Variants in RANBP2 observed in about 807,000 individuals in gnomAD.
The protein encoded by RANBP2 is RAN binding protein 2.
Under a neutral mutation model 303.6 loss-of-function variants are expected in RANBP2, and 57 were observed. That is an observed-to-expected ratio of 0.19 (90% confidence interval 0.15 to 0.23). The LOEUF (loss-of-function observed/expected upper bound fraction) is 0.23. Among genes scored for constraint, RANBP2 ranks in the 10% least tolerant of loss-of-function variants. The pLI is 1.00. For missense variants in RANBP2, 3,138 were observed against 3,780.8 expected (o/e 0.83, Z 4.46); for synonymous variants, 1,167 against 1,301.5 (o/e 0.90, Z 2.23).
chr2:109,142,824 G>A, the RANBP2 span, among the ~76,000 whole-genome samples: 26 of 152,300 alleles, frequency 1.7e-4, no homozygotes, highest in African/African-American at 4.8e-4. Flanking sequence ...GGGAAAGGTG[G>A]CTGTCATTGT....
At chr2:108,945,623 G>C in the RANBP2 span, among the ~76,000 whole-genome samples, 1 of 152,276 alleles carries the variant, frequency 6.6e-6, no homozygotes, top group Non-Finnish European at 1.5e-5. Flanking sequence ...TAAAAATGCA[G>C]CTAACTTTCT....
At chr2:109,616,760 T>C in the RANBP2 span, 1 of 167,240 alleles carries the variant, frequency 6.0e-6, no homozygotes, top group South Asian at 2.1e-4. Flanking sequence ...TTTCCACCTA[T>C]CTCTAACACC....
the RANBP2 span, among the ~76,000 whole-genome samples, chr2:109,463,641 C>T: frequency 1.3e-5 from 2 of 152,172 alleles, no homozygotes; most frequent in Non-Finnish European, 2.9e-5. Flanking sequence ...GGGGAAGAAG[C>T]CATCAGACCC....
At chr2:108,721,766 A>G (rs1014298391) in intron 1 of RANBP2, among the ~76,000 whole-genome samples, 1 of 151,912 alleles carries the variant, frequency 6.6e-6, no homozygotes, top group African/African-American at 2.4e-5. Context: ...TTTTGAGACA[A>G]GGTCTCTTTC....
chr2:108,979,394 C>T, the RANBP2 span, among the ~76,000 whole-genome samples: 4 of 152,184 alleles, frequency 2.6e-5, no homozygotes, highest in African/African-American at 9.6e-5. Flanking sequence ...CCAGCCTGGT[C>T]CAAGCCCCAT....
chr2:109,456,256 C>T, the RANBP2 span, among the ~76,000 whole-genome samples: 13 of 152,230 alleles, frequency 8.5e-5, no homozygotes, highest in Admixed American at 7.2e-4. Context: ...GAGTCAGCCC[C>T]GTGTGGCTGG....
chr2:109,327,166 T>C, the RANBP2 span, among the ~76,000 whole-genome samples: 1 of 152,206 alleles, frequency 6.6e-6, no homozygotes, highest in South Asian at 2.1e-4. Flanking sequence ...CTTTTAAAAG[T>C]TTTATAGTTT....
chr2:109,020,577 G>A, the RANBP2 span, among the ~76,000 whole-genome samples: 5 of 152,174 alleles, frequency 3.3e-5, no homozygotes, highest in Non-Finnish European at 7.3e-5. Flanking sequence ...CAACTTTATT[G>A]GATCCAGATG....
chr2:108,931,714 G>T, the RANBP2 span, among the ~76,000 whole-genome samples: 1 of 151,682 alleles, frequency 6.6e-6, no homozygotes, highest in Non-Finnish European at 1.5e-5. Flanking sequence ...TGAAGGAGGA[G>T]GTGGGTTTTT....
the RANBP2 span, among the ~76,000 whole-genome samples, chr2:109,661,024 CAG>C: frequency 6.6e-6 from 1 of 152,162 alleles, no homozygotes; most frequent in Non-Finnish European, 1.5e-5. Context: ...TCTGCTAAAA[CAG>C]ATATATGATA....
At chr2:109,308,117 A>G in the RANBP2 span, among the ~76,000 whole-genome samples, 2 of 144,562 alleles carry the variant, frequency 1.4e-5, no homozygotes, top group East Asian at 2.0e-4. Flanking sequence ...TTGCCATTCT[A>G]ACTGGTGTGA....
intron 8 of RANBP2, among the ~76,000 whole-genome samples, chr2:108,748,558 G>C (rs969580477): frequency 3.3e-5 from 5 of 152,038 alleles, no homozygotes; most frequent in African/African-American, 9.7e-5. Context: ...GGAGGATTCT[G>C]ATCAGCCAGG....
At chr2:108,879,036 TA>T in the RANBP2 span, among the ~76,000 whole-genome samples, 110,321 of 151,800 alleles carry the variant, frequency 0.73, 42,858 homozygotes, top group East Asian at 0.95. Context: ...GGTCATGTTC[TA>T]AATAAATTTG....
chr2:109,557,406 C>T, the RANBP2 span, among the ~76,000 whole-genome samples: 6 of 152,052 alleles, frequency 3.9e-5, no homozygotes, highest in South Asian at 1.2e-3. Context: ...AAGAACAAGC[C>T]CTGACATTCT....
Position 108,772,923 on chromosome 2 carries a change from G to T in RANBP2, c.8169G>T (p.Lys2723Asn), listed in dbSNP as rs561203442. The change falls in exon 23 of 29, where the codon AAG becomes AAT. Residue 2723 changes from lysine to asparagine, a missense_variant. Lys to Asn is a moderately conservative substitution (Grantham distance 94, BLOSUM62 0). Transcript: ENST00000283195. ...AAAAGAAACCAACAGTTGAAGAGAA[G>T]GCAAAAGCAGATACGTTAAAACTTC... ...VWEKKPTVEEKAKADTLKLPP... is the reference protein window; with the variant it reads ...VWEKKPTVEENAKADTLKLPP... 1.2e-6 allele frequency: 2 copies of T among 1,613,794 alleles called. No homozygotes were observed. The highest frequency in any genetic ancestry group is 1.7e-6 in the Non-Finnish European group (2 of 1,179,964).
At chr2:109,285,686 G>A in the RANBP2 span, among the ~76,000 whole-genome samples, 2 of 152,194 alleles carry the variant, frequency 1.3e-5, no homozygotes, top group Non-Finnish European at 2.9e-5. Context: ...TTCACTTGGG[G>A]CTCATGAAAG....
chr2:108,993,576 T>C, the RANBP2 span, among the ~76,000 whole-genome samples: 1 of 152,098 alleles, frequency 6.6e-6, no homozygotes, highest in Non-Finnish European at 1.5e-5. Flanking sequence ...TACCGGGAGA[T>C]GAAATGCTAT....
the RANBP2 span, among the ~76,000 whole-genome samples, chr2:109,444,451 A>T: frequency 2.0e-5 from 3 of 152,228 alleles, no homozygotes; most frequent in Non-Finnish European, 4.4e-5. Context: ...GAATATGGAC[A>T]GGAAGCCCCT....
the RANBP2 span, chr2:109,614,711 C>CA: frequency 6.7e-7 from 1 of 1,488,560 alleles, no homozygotes; most frequent in Non-Finnish European, 8.9e-7. Context: ...CCGACGGCGC[C>CA]AAGTACGTGC....
Sources: gnomAD v4.1 joint callset for allele counts (sites outside exome capture counted in the v4.1 genomes callset) on GRCh38, gnomAD v4.1.1 for gene constraint, MANE v1.5 for transcripts, NCBI Gene and HGNC (gene_info 2026-07-23, HGNC 2026-07-21) for gene names.